COLGALT1: variants seen among roughly 807,000 people sequenced by gnomAD.
COLGALT1 encodes procollagen galactosyltransferase 1.
A neutral mutation model predicts 60.8 loss-of-function variants in COLGALT1; 43 were observed. That is an observed-to-expected ratio of 0.71 (90% confidence interval 0.55 to 0.91). The LOEUF (loss-of-function observed/expected upper bound fraction) is 0.91. Among genes scored for constraint, COLGALT1 ranks in the 40% least tolerant of loss-of-function variants. The pLI is 0.00. For synonymous variants in COLGALT1, 369 were observed against 374.2 expected (o/e 0.99, Z 0.16); for missense variants, 845 against 880.0 (o/e 0.96, Z 0.50).
At chr19:17,563,985 C>T (rs932879020) in intron 3 of COLGALT1, among the ~76,000 whole-genome samples, 3 of 151,684 alleles carry the variant, frequency 2.0e-5, no homozygotes, top group Non-Finnish European at 4.4e-5. Flanking sequence ...CCTGTAATCC[C>T]AGTGCTTCAG....
chr19:17,560,319 A>G (rs2076240711), intron 2 of COLGALT1, 29 bp from the exon 3 acceptor site: 12 of 1,586,968 alleles, frequency 7.6e-6, no homozygotes, highest in Non-Finnish European at 9.5e-6. Flanking sequence ...GTGCCTTGTG[A>G]TGTCCACATC....
chr19:17,559,900 G>A (rs547895597), intron 2 of COLGALT1, among the ~76,000 whole-genome samples: 8 of 151,934 alleles, frequency 5.3e-5, no homozygotes, highest in Non-Finnish European at 8.8e-5. Context: ...CCATCCTCCC[G>A]CCTCAGCCTC....
chr19:17,578,228 T>G, intron 9 of COLGALT1, 139 bp downstream of exon 9: 14 of 851,070 alleles, frequency 1.6e-5, no homozygotes, highest in South Asian at 2.6e-5. Context: ...GGCCTCTCTT[T>G]AGTGAATGAT....
intron 6 of COLGALT1, among the ~76,000 whole-genome samples, chr19:17,575,879 C>T (rs2076337780): frequency 6.6e-6 from 1 of 152,124 alleles, no homozygotes; most frequent in African/African-American, 2.4e-5. Flanking sequence ...AACTCGATGA[C>T]CTCTGTACAC....
chr19:17,567,284 G>A (rs2076284959), intron 3 of COLGALT1, 122 bp from the exon 4 acceptor site: 20 of 1,305,286 alleles, frequency 1.5e-5, no homozygotes, highest in South Asian at 5.6e-5. Flanking sequence ...CATTTCATCC[G>A]GTGTAGGGGG....
At chr19:17,567,283 C>T (rs1011546337) in intron 3 of COLGALT1, 123 bp from the exon 4 acceptor site, 14 of 1,277,920 alleles carry the variant, frequency 1.1e-5, no homozygotes, top group East Asian at 2.4e-5. Flanking sequence ...TCATTTCATC[C>T]GGTGTAGGGG....
At chr19:17,560,263 C>A in intron 2 of COLGALT1, 85 bp from the exon 3 acceptor site, 1 of 1,050,034 alleles carries the variant, frequency 9.5e-7, no homozygotes, top group African/African-American at 1.6e-5. Context: ...AGGAAGCTCT[C>A]TCTGAGTACC....
At chr19:17,577,004 T>TGGGGGCGGGGTGAAGCTGGGTCC in intron 6 of COLGALT1, 191 bp from the exon 7 acceptor site, 2 of 307,172 alleles carry the variant, frequency 6.5e-6, no homozygotes, top group Admixed American at 4.9e-5. Context: ...GGCCAGGGCT[T>TGGGGGCGGGGTGAAGCTGGGTCC]TGGGCTGCTG....
intron 1 of COLGALT1, among the ~76,000 whole-genome samples, chr19:17,557,686 C>A (rs1308294330): frequency 6.6e-6 from 1 of 152,054 alleles, no homozygotes; most frequent in Non-Finnish European, 1.5e-5. Flanking sequence ...ACTGCAACTT[C>A]CCCCTCCTGG....
chr19:17,578,491 C>T (rs1481616121), intron 9 of COLGALT1, among the ~76,000 whole-genome samples: 1 of 152,214 alleles, frequency 6.6e-6, no homozygotes, highest in Non-Finnish European at 1.5e-5. Flanking sequence ...CCAGCCCAGG[C>T]ATCCTCATCC....
chr19:17,558,902 GT>G (rs1434094581), intron 1 of COLGALT1, among the ~76,000 whole-genome samples: 4 of 151,838 alleles, frequency 2.6e-5, no homozygotes, highest in East Asian at 2.0e-4. Flanking sequence ...GCTCACGCTT[GT>G]TAAGTCCAGC....
intron 5 of COLGALT1, among the ~76,000 whole-genome samples, chr19:17,570,588 C>T (rs2076306866): frequency 6.6e-6 from 1 of 152,070 alleles, no homozygotes; most frequent in South Asian, 2.1e-4. Context: ...TTATTTGACA[C>T]AGGGTCTCCC....
chr19:17,571,840 GT>G (rs916047318), intron 5 of COLGALT1: 7 of 147,706 alleles, frequency 4.7e-5, no homozygotes, highest in African/African-American at 7.4e-5. Flanking sequence ...CATTTTTACT[GT>G]TTTTTTTTTG....
chr19:17,571,083 ATACT>A (rs1363132741), intron 5 of COLGALT1, among the ~76,000 whole-genome samples: 1 of 152,192 alleles, frequency 6.6e-6, no homozygotes, highest in Non-Finnish European at 1.5e-5. Flanking sequence ...CAAGCCTAAA[ATACT>A]TACCACCTGG....
rs139134591 is a variant in COLGALT1, at chr19:17,560,356, C to T, written c.380C>T (p.Pro127Leu). 1.7e-4 allele frequency: 275 copies of T among 1,613,870 alleles called. No individual in the cohort carries two copies. The African/African-American group carries it at 2.9e-3, about 17-fold the overall frequency. ...CAGCTGCCTCCCCATAGGTCCTACC[C>T]GGACGAGGAAGGCCCGAAACACTGG... ...WRPAEEPRSY[P>L]DEEGPKHWSD... The change falls in exon 3 of 12, where the codon CCG becomes CTG. Residue 127 changes from proline to leucine, a missense_variant. Physicochemically the swap from Pro to Leu is moderately conservative, Grantham distance 98. Coordinates refer to ENST00000252599, the MANE Select transcript of COLGALT1 (RefSeq NM_024656.4).
intron 3 of COLGALT1, among the ~76,000 whole-genome samples, chr19:17,563,884 TC>T (rs370300929): frequency 5.4e-4 from 82 of 150,492 alleles, no homozygotes; most frequent in African/African-American, 1.8e-3. Context: ...TGTTTGAAGG[TC>T]CCCCTTTCTC....
In COLGALT1 at chr19:17,581,300, C is replaced by T. The variant is rs770344061; in HGVS notation, c.1725C>T (p.Val575=). ...ATGTGAGTGACACCGAGACCTCAGTCGTATGGAACAATGAGCACGTCAAGA... is the reference window on the plus strand; with the variant it reads ...ATGTGAGTGACACCGAGACCTCAGTTGTATGGAACAATGAGCACGTCAAGA... ...DGYVSDTETS[V]VWNNEHVKTD... The change falls in exon 12 of 12, where the codon GTC becomes GTT. Residue 575 remains valine (V), a synonymous_variant. Transcript: ENST00000252599. 1.8e-5 allele frequency: 29 copies of T among 1,613,226 alleles called. No homozygotes were observed. Among genetic ancestry groups the T allele is most frequent in the South Asian group, 9.9e-5 (9 of 91,042 alleles).
chr19:17,580,837 T>G lies in COLGALT1; in HGVS notation c.1533T>G (p.Ala511=), dbSNP rs751327244. The G allele has an allele frequency of 6.2e-6, 10 of 1,613,892 alleles. No individual in the cohort carries two copies. The highest frequency in any genetic ancestry group is 1.3e-5 in the African/African-American group (1 of 74,876). ...ISLQGARKLL[A]AEPLSKMLPV... is the part of the protein sequence containing the mutation. ...TGCAAGGCGCCCGCAAACTGCTGGC[T>G]GCTGAGCCGCTCTCCAAGATGCTGC... Residue 511 remains alanine (A), a synonymous_variant, in exon 11 of 12, where the codon GCT becomes GCG. Transcript: ENST00000252599.
intron 5 of COLGALT1, 125 bp from the exon 6 acceptor site, chr19:17,572,358 G>A: frequency 7.1e-7 from 1 of 1,399,324 alleles, no homozygotes; most frequent in South Asian, 1.2e-5. Flanking sequence ...TGCCCAGGCT[G>A]GTCTCAGACA....
Sources: allele counts gnomAD v4.1 joint callset (sites outside exome capture counted in the v4.1 genomes callset), GRCh38; gene constraint gnomAD v4.1.1; transcripts MANE v1.5; gene names NCBI Gene and HGNC (gene_info 2026-07-23, HGNC 2026-07-21).